Variants in CCDC192 observed in about 807,000 individuals in gnomAD.
The protein encoded by CCDC192 is coiled-coil domain-containing protein 192.
intron 6 of CCDC192, among the ~76,000 whole-genome samples, chr5:127,917,808 G>A (rs928466453): frequency 1.3e-5 from 2 of 152,144 alleles, no homozygotes; most frequent in African/African-American, 4.8e-5. Context: ...TTACCTAAAT[G>A]TGACATAGAG....
intron 5 of CCDC192, among the ~76,000 whole-genome samples, chr5:127,866,272 A>C (rs1292751967): frequency 1.3e-5 from 2 of 151,974 alleles, no homozygotes; most frequent in Admixed American, 6.6e-5. Flanking sequence ...GTCAAAAAGG[A>C]AAACCACATC....
At chr5:127,737,877 T>C (rs992601627) in intron 2 of CCDC192, among the ~76,000 whole-genome samples, 1 of 152,116 alleles carries the variant, frequency 6.6e-6, no homozygotes, top group African/African-American at 2.4e-5. Context: ...GTCTTGACTC[T>C]TTATCCAATT....
chr5:127,807,023 G>T (rs574023940), intron 5 of CCDC192, among the ~76,000 whole-genome samples: 33 of 152,266 alleles, frequency 2.2e-4, no homozygotes, highest in African/African-American at 7.7e-4. Context: ...CCTGGCAAAG[G>T]TTACTCTACT....
rs115853893 is a variant in CCDC192, at chr5:127,906,324, C to T, written c.535+30663C>T. 9.0e-3 allele frequency among the ~76,000 whole-genome samples: 1,364 copies of T among 152,302 alleles called. 23 individuals are homozygous for T. The highest frequency in any genetic ancestry group is 0.03 in the African/African-American group (1,254 of 41,552). On this transcript the variant is annotated intron_variant, in intron 6 of 6. Coordinates refer to ENST00000514853, the MANE Select transcript of CCDC192 (RefSeq NM_001317938.2). ...ATTTCACTTAGGAAATGTTAAGGTA[C>T]ATCCATGTTGTAGCATGTATCAGAA...
At chr5:127,804,996 C>G (rs187356031) in intron 5 of CCDC192, among the ~76,000 whole-genome samples, 1 of 152,068 alleles carries the variant, frequency 6.6e-6, no homozygotes, top group South Asian at 2.1e-4. Context: ...AGTGCAGTGC[C>G]GGGGATTGAG....
At chr5:127,860,922 G>T (rs147855639) in intron 5 of CCDC192, among the ~76,000 whole-genome samples, 4 of 152,118 alleles carry the variant, frequency 2.6e-5, no homozygotes, top group African/African-American at 7.2e-5. Context: ...ACCAGTTTTC[G>T]CTTTCTTTTA....
At chr5:127,806,365 A>T (rs964384649) in intron 5 of CCDC192, among the ~76,000 whole-genome samples, 6 of 152,066 alleles carry the variant, frequency 3.9e-5, no homozygotes, top group Non-Finnish European at 7.4e-5. Context: ...ATAGACGATG[A>T]ATAAGTTTAA....
At chr5:127,718,335 C>A (rs1272230202) in intron 2 of CCDC192, among the ~76,000 whole-genome samples, 1 of 152,184 alleles carries the variant, frequency 6.6e-6, no homozygotes, top group Non-Finnish European at 1.5e-5. Flanking sequence ...CCCCAAGAGG[C>A]ACCAGTGGTG....
chr5:127,847,405 T>G (rs1750604306), intron 5 of CCDC192, among the ~76,000 whole-genome samples: 1 of 152,164 alleles, frequency 6.6e-6, no homozygotes, highest in African/African-American at 2.4e-5. Flanking sequence ...TAAAGACCAA[T>G]CTACTTTCAA....
chr5:127,825,567 G>A (rs554254797), intron 5 of CCDC192, among the ~76,000 whole-genome samples: 1 of 152,252 alleles, frequency 6.6e-6, no homozygotes, highest in African/African-American at 2.4e-5. Context: ...ATGACACTTG[G>A]GTTTTCCAGA....
intron 2 of CCDC192, among the ~76,000 whole-genome samples, chr5:127,752,627 G>A (rs1252934753): frequency 1.3e-5 from 2 of 152,234 alleles, no homozygotes; most frequent in African/African-American, 2.4e-5. Flanking sequence ...TCCTTGAGCT[G>A]TGGTGGGCTC....
At chr5:127,842,440 C>T (rs926670740) in intron 5 of CCDC192, among the ~76,000 whole-genome samples, 2 of 152,144 alleles carry the variant, frequency 1.3e-5, no homozygotes, top group African/African-American at 4.8e-5. Context: ...CTGATCTTGA[C>T]ATCCTGGGCT....
chr5:127,717,928 CAAAAAA>C, intron 2 of CCDC192, among the ~76,000 whole-genome samples: 4 of 98,056 alleles, frequency 4.1e-5, no homozygotes, highest in East Asian at 5.9e-4. Flanking sequence ...TAAAGCTAGA[CAAAAAA>C]AAAAAAAAAA....
At chr5:127,908,301 G>C (rs558132522) in intron 6 of CCDC192, among the ~76,000 whole-genome samples, 1 of 152,256 alleles carries the variant, frequency 6.6e-6, no homozygotes, top group East Asian at 1.9e-4. Flanking sequence ...ACAGCTCTTT[G>C]ATATGGGACA....
At chr5:127,809,208 ATTG>A (rs1160998780) in intron 5 of CCDC192, among the ~76,000 whole-genome samples, 2 of 152,150 alleles carry the variant, frequency 1.3e-5, no homozygotes, top group African/African-American at 4.8e-5. Context: ...AGGATCTGAG[ATTG>A]TTAATAAGAT....
At chr5:127,718,318 A>G (rs1751757799) in intron 2 of CCDC192, among the ~76,000 whole-genome samples, 1 of 152,234 alleles carries the variant, frequency 6.6e-6, no homozygotes, top group South Asian at 2.1e-4. Context: ...AATGTTTTTC[A>G]GAATTTCCCC....
intron 1 of CCDC192, among the ~76,000 whole-genome samples, chr5:127,706,513 G>A (rs1052644911): frequency 8.7e-6 from 1 of 114,650 alleles, no homozygotes; most frequent in Non-Finnish European, 1.7e-5. Context: ...GACAGAGCAA[G>A]ACTCCATCTC....
chr5:127,912,627 T>C (rs1753407641), intron 6 of CCDC192, among the ~76,000 whole-genome samples: 1 of 152,092 alleles, frequency 6.6e-6, no homozygotes, highest in Non-Finnish European at 1.5e-5. Context: ...GTGGATTCCT[T>C]GTGGTGATAA....
At chr5:127,816,522 T>G (rs2127010691) in intron 5 of CCDC192, among the ~76,000 whole-genome samples, 1 of 152,160 alleles carries the variant, frequency 6.6e-6, no homozygotes, top group South Asian at 2.1e-4. Flanking sequence ...AGAACCAGAT[T>G]TGGAAATGGA....
Sources: gnomAD v4.1 joint callset for allele counts (sites outside exome capture counted in the v4.1 genomes callset) on GRCh38, gnomAD v4.1.1 for gene constraint, MANE v1.5 for transcripts, NCBI Gene and HGNC (gene_info 2026-07-23, HGNC 2026-07-21) for gene names.